PTCHD4: variants seen among roughly 807,000 people sequenced by gnomAD.
PTCHD4 encodes patched domain-containing protein 4.
PTCHD4 carries 33 observed loss-of-function variants against 58.1 expected under a neutral mutation model. The observed-to-expected ratio is 0.57, with a 90% CI of 0.43 to 0.76. The LOEUF (loss-of-function observed/expected upper bound fraction) is 0.76, where lower values mean the gene tolerates loss of function less well. Among genes scored for constraint, PTCHD4 ranks in the 30% least tolerant of loss-of-function variants. The pLI is 0.00. For missense variants in PTCHD4, 1,058 were observed against 1,027.1 expected (o/e 1.03, Z -0.41); for synonymous variants, 478 against 409.6 (o/e 1.17, Z -2.02).
intron 4 of PTCHD4, among the ~76,000 whole-genome samples, chr6:47,989,063 A>G (rs1768187121): frequency 1.3e-5 from 2 of 152,236 alleles, no homozygotes; most frequent in South Asian, 4.1e-4. Context: ...AGGTGGTCTC[A>G]GATGGAGATG....
At chr6:47,905,393 G>A (rs991719075) in intron 4 of PTCHD4, among the ~76,000 whole-genome samples, 2 of 151,996 alleles carry the variant, frequency 1.3e-5, no homozygotes, top group Admixed American at 1.3e-4. Flanking sequence ...GACTAAGTTG[G>A]GTCTATGGTT....
intron 1 of PTCHD4, among the ~76,000 whole-genome samples, chr6:48,092,955 G>T (rs1765396258): frequency 6.6e-6 from 1 of 152,114 alleles, no homozygotes; most frequent in Non-Finnish European, 1.5e-5. Context: ...TATGATTTCT[G>T]GCTCCCTCTG....
At chr6:48,029,229 T>G (rs1562015417) in intron 3 of PTCHD4, among the ~76,000 whole-genome samples, 1 of 152,134 alleles carries the variant, frequency 6.6e-6, no homozygotes, top group Non-Finnish European at 1.5e-5. Flanking sequence ...AGATAGTTTT[T>G]TACTTTGATT....
intron 4 of PTCHD4, among the ~76,000 whole-genome samples, chr6:47,910,172 C>T (rs1481328537): frequency 6.6e-6 from 1 of 152,096 alleles, no homozygotes; most frequent in Non-Finnish European, 1.5e-5. Context: ...TGTCATCTTC[C>T]TTAGTTAATA....
intron 4 of PTCHD4, among the ~76,000 whole-genome samples, chr6:47,885,969 C>T (rs1217724774): frequency 6.6e-6 from 1 of 152,148 alleles, no homozygotes; most frequent in East Asian, 1.9e-4. Flanking sequence ...CAGGCACCTG[C>T]CACCACACCT....
chr6:48,069,140 A>C lies in PTCHD4; in HGVS notation c.-183T>G, dbSNP rs1212351812. On this transcript the variant is annotated 5_prime_UTR_variant, in exon 2 of 5. Transcript: ENST00000339488. ...TAAGAAGCAGACATGTGCCCCATAA[A>C]GGGGGGGGGGGCTGAGGGGGGGAGA... Among the ~76,000 whole-genome samples, 1 of 47,322 alleles carries C rather than the reference A, an allele frequency of 2.1e-5. No homozygotes were observed. Among genetic ancestry groups the C allele is most frequent in the African/African-American group, 8.1e-5 (1 of 12,270 alleles). The allele number at this position is 47,322 out of a possible 152,430, so 31.0% of individuals were successfully genotyped here.
chr6:47,975,263 C>T (rs754487667), intron 4 of PTCHD4, among the ~76,000 whole-genome samples: 46 of 152,294 alleles, frequency 3.0e-4, no homozygotes, highest in African/African-American at 8.2e-4. Context: ...GACTAATCCA[C>T]TTGAAAAATG....
intron 1 of PTCHD4, among the ~76,000 whole-genome samples, chr6:48,071,208 C>G (rs994930613): frequency 6.6e-6 from 1 of 152,078 alleles, no homozygotes; most frequent in East Asian, 1.9e-4. Context: ...TTTTCTTATT[C>G]GCTTCATTTC....
chr6:47,900,711 T>C (rs886814810), intron 4 of PTCHD4: 3 of 152,230 alleles, frequency 2.0e-5, no homozygotes, highest in African/African-American at 7.2e-5. Flanking sequence ...TTGTTGAGAG[T>C]TATTTTGTTG....
chr6:47,948,413 G>A (rs916562393), intron 4 of PTCHD4, among the ~76,000 whole-genome samples: 28 of 152,244 alleles, frequency 1.8e-4, no homozygotes, highest in African/African-American at 4.6e-4. Flanking sequence ...CAAGTTGCAA[G>A]CCCCACCCAC....
intron 4 of PTCHD4, among the ~76,000 whole-genome samples, chr6:47,932,403 T>A (rs764868163): frequency 3.3e-5 from 5 of 152,140 alleles, no homozygotes; most frequent in Non-Finnish European, 7.4e-5. Context: ...AAAATTAGGT[T>A]TGGAGCTTCT....
At chr6:48,107,026 C>G (rs1212268519) in intron 1 of PTCHD4, among the ~76,000 whole-genome samples, 1 of 152,080 alleles carries the variant, frequency 6.6e-6, no homozygotes, top group Non-Finnish European at 1.5e-5. Flanking sequence ...CCATACTGCC[C>G]AAGGTAATTT....
intron 4 of PTCHD4, chr6:47,902,054 A>G (rs1383275041): frequency 2.0e-6 from 1 of 508,330 alleles, no homozygotes; most frequent in Non-Finnish European, 3.4e-6. Context: ...ACCATCATCA[A>G]CAACAACAGC....
Position 47,870,077 on chromosome 6 carries a change from T to C in PTCHD4, c.*8226A>G, listed in dbSNP as rs1242950850. ...CCTGTATAATTTATCACTACTTTAA[T>C]ATATAAATTATTTCTATTATTATGA... On this transcript the variant is annotated 3_prime_UTR_variant, in exon 5 of 5. Transcript: ENST00000339488. 6.6e-6 allele frequency among the ~76,000 whole-genome samples: 1 copy of C among 151,692 alleles called. No individual in the cohort carries two copies. Among genetic ancestry groups the C allele is most frequent in the Non-Finnish European group, 1.5e-5 (1 of 67,744 alleles).
chr6:48,064,688 A>C (rs542354875), intron 3 of PTCHD4, among the ~76,000 whole-genome samples: 1 of 152,312 alleles, frequency 6.6e-6, no homozygotes, highest in East Asian at 1.9e-4. Flanking sequence ...ATATAGCAGT[A>C]TAAGTGTGCA....
chr6:48,038,210 G>C (rs1763713886), intron 3 of PTCHD4, among the ~76,000 whole-genome samples: 2 of 152,080 alleles, frequency 1.3e-5, no homozygotes, highest in Non-Finnish European at 2.9e-5. Context: ...TCCTGACCGG[G>C]GTTAATTACC....
rs1431646369 is a variant in PTCHD4, at chr6:47,874,238, C to A, written c.*4065G>T. Among the ~76,000 whole-genome samples the A allele has an allele frequency of 6.6e-6, 1 of 151,702 alleles. No homozygotes were observed. The highest frequency in any genetic ancestry group is 1.5e-5 in the Non-Finnish European group (1 of 67,788). On this transcript the variant is annotated 3_prime_UTR_variant, in exon 5 of 5. Transcript: ENST00000339488. The stretch of plus-strand genomic sequence containing the variant: ...GGTTGTTACTGATACCCAGGGAAGG[C>A]AATTCTTAAATTGCTTACCTGGGGA...
chr6:47,969,675 G>T (rs1448140352), intron 4 of PTCHD4, among the ~76,000 whole-genome samples: 1 of 152,104 alleles, frequency 6.6e-6, no homozygotes, highest in Non-Finnish European at 1.5e-5. Context: ...TATTCTTTTA[G>T]GGGGCTTGAA....
chr6:48,016,424 G>A (rs1762871794), intron 3 of PTCHD4, among the ~76,000 whole-genome samples: 1 of 152,024 alleles, frequency 6.6e-6, no homozygotes, highest in African/African-American at 2.4e-5. Context: ...GATTTAGGAA[G>A]TAAAGGTGAT....
Sources: allele counts gnomAD v4.1 joint callset (sites outside exome capture counted in the v4.1 genomes callset), GRCh38; gene constraint gnomAD v4.1.1; transcripts MANE v1.5; gene names NCBI Gene and HGNC (gene_info 2026-07-23, HGNC 2026-07-21).